Variants in B4GALT5 observed in about 807,000 individuals in gnomAD.
The protein encoded by B4GALT5 is UDP-Gal:beta-GlcNAc beta-1,4-galactosyltransferase 5.
B4GALT5 carries 11 observed loss-of-function variants against 45.0 expected under a neutral mutation model. The observed-to-expected ratio is 0.24, with a 90% CI of 0.15 to 0.40. The LOEUF is 0.40. Among genes scored for constraint, B4GALT5 ranks in the 10% least tolerant of loss-of-function variants. The pLI, the probability that B4GALT5 is intolerant of heterozygous loss-of-function variation, is 1.00. For synonymous variants in B4GALT5, 185 were observed against 182.9 expected, an observed-to-expected ratio of 1.01 and a Z score of -0.09; for missense variants, 337 against 500.2, an observed-to-expected ratio of 0.67 and a Z score of 3.11.
At chr20:49,645,266 T>TATACAGTG (rs2123001796) in intron 3 of B4GALT5, among the ~76,000 whole-genome samples, 1 of 152,194 alleles carries the variant, frequency 6.6e-6, no homozygotes, top group East Asian at 1.9e-4. Context: ...GCTGACTGCC[T>TATACAGTG]ATACAGTGAT....
At chr20:49,671,366 C>A (rs984696238) in intron 1 of B4GALT5, among the ~76,000 whole-genome samples, 1 of 152,070 alleles carries the variant, frequency 6.6e-6, no homozygotes, top group Non-Finnish European at 1.5e-5. Flanking sequence ...CAGAGTGAGA[C>A]TCTGTCTCAA....
rs756297835 is a variant in B4GALT5 at position 49,679,297 on chromosome 20, T to G, written c.116-22595A>C. On this transcript the variant is annotated intron_variant, in intron 1 of 8. Coordinates refer to ENST00000371711, the MANE Select transcript of B4GALT5 (RefSeq NM_004776.4). ...GTTGTTGTTTCGCAATCACCAGTCC[T>G]AAAATGAAGCTAAAAATTTATTTTC... Among the ~76,000 whole-genome samples, 88 of 152,230 alleles carry G rather than the reference T, an allele frequency of 5.8e-4. 1 individual carries two copies. The highest frequency in any genetic ancestry group is 2.5e-4 in the Non-Finnish European group (17 of 68,038).
In B4GALT5 at chr20:49,676,770, G is replaced by C. The variant is rs948117475; in HGVS notation, c.116-20068C>G. Among the ~76,000 whole-genome samples the C allele has an allele frequency of 2.6e-5, 4 of 152,196 alleles. No individual in the cohort carries two copies. In the East Asian group the frequency reaches 7.7e-4, roughly 29 times the overall value. ...CTCTGGCCCATAGGGGCATGAGGGC[G>C]GGGGGCACAGAATAAAACCATAAAG... On this transcript the variant is annotated intron_variant, in intron 1 of 8. Transcript: ENST00000371711.
intron 1 of B4GALT5, among the ~76,000 whole-genome samples, chr20:49,664,188 C>A (rs1018097748): frequency 6.6e-6 from 1 of 152,030 alleles, no homozygotes; most frequent in Non-Finnish European, 1.5e-5. Context: ...AATATTCTTG[C>A]TAATCTACTG....
intron 1 of B4GALT5, among the ~76,000 whole-genome samples, chr20:49,680,880 C>T (rs1054670720): frequency 6.6e-6 from 1 of 151,468 alleles, no homozygotes; most frequent in Non-Finnish European, 1.5e-5. Context: ...CTAAAATGGC[C>T]TATTTTATGT....
chr20:49,685,429 G>C (rs2085781226), intron 1 of B4GALT5, among the ~76,000 whole-genome samples: 2 of 152,116 alleles, frequency 1.3e-5, no homozygotes, highest in South Asian at 4.1e-4. Flanking sequence ...CTGTGACCCA[G>C]ACAGCCCAGC....
intron 1 of B4GALT5, 75 bp from the exon 2 acceptor site, chr20:49,656,777 G>A: frequency 6.4e-7 from 1 of 1,573,090 alleles, no homozygotes; most frequent in South Asian, 1.2e-5. Context: ...CATAGCTATG[G>A]ATTTTTTTTT....
At chr20:49,711,475 G>A (rs1413276561) in intron 1 of B4GALT5, among the ~76,000 whole-genome samples, 2 of 152,136 alleles carry the variant, frequency 1.3e-5, no homozygotes, top group African/African-American at 4.8e-5. Context: ...TATGGACTCA[G>A]ACCAGAAGTA....
intron 1 of B4GALT5, among the ~76,000 whole-genome samples, chr20:49,701,471 G>C (rs2085861747): frequency 6.6e-6 from 1 of 151,966 alleles, no homozygotes; most frequent in South Asian, 2.1e-4. Context: ...ATGTTATAAA[G>C]GATAACAGAA....
Position 49,713,515 on chromosome 20 carries a change from G to C in B4GALT5, c.115+61C>G, listed in dbSNP as rs1312214336. On this transcript the variant is annotated intron_variant, in intron 1 of 8. Coordinates refer to ENST00000371711, the MANE Select transcript of B4GALT5 (RefSeq NM_004776.4). ...CCGGGGCCCCTTAGGGAGGGGCGGG[G>C]ATTCCCCGGGTCCCTCAAGGCCAGA... 4 of 1,507,712 alleles carry C rather than the reference G, an allele frequency of 2.7e-6. No homozygotes were observed. The East Asian group carries it at 1.0e-4, about 39-fold the overall frequency. 93.4% of individuals were successfully genotyped at this position (1,507,712 alleles called of 1,614,324 possible). A position where few individuals can be genotyped will look rare whatever the true frequency, so the allele number is the denominator to read the frequency against.
chr20:49,698,244 A>G (rs2085847426), intron 1 of B4GALT5, among the ~76,000 whole-genome samples: 1 of 151,992 alleles, frequency 6.6e-6, no homozygotes, highest in South Asian at 2.1e-4. Context: ...AATTGCTTGA[A>G]CCTGGAAAGT....
At chr20:49,693,997 C>T (rs1038665416) in intron 1 of B4GALT5, among the ~76,000 whole-genome samples, 4 of 152,094 alleles carry the variant, frequency 2.6e-5, no homozygotes, top group Non-Finnish European at 2.9e-5. Flanking sequence ...ACCTCACTTT[C>T]GATAATTAGC....
intron 3 of B4GALT5, among the ~76,000 whole-genome samples, chr20:49,644,225 CCTT>C (rs1447138661): frequency 6.6e-6 from 1 of 151,830 alleles, no homozygotes; most frequent in African/African-American, 2.4e-5. Context: ...CTGTGCCCAG[CCTT>C]CTTTTTTTTT....
chr20:49,664,768 G>C (rs899892352), intron 1 of B4GALT5, among the ~76,000 whole-genome samples: 6 of 152,092 alleles, frequency 3.9e-5, no homozygotes, highest in Non-Finnish European at 8.8e-5. Flanking sequence ...GTATTTAGAG[G>C]TTTCGCATCA....
At chr20:49,694,158 A>G (rs1393872354) in intron 1 of B4GALT5, among the ~76,000 whole-genome samples, 1 of 152,202 alleles carries the variant, frequency 6.6e-6, no homozygotes, top group East Asian at 1.9e-4. Flanking sequence ...ATTTCCAGAA[A>G]GAAGTTAGAA....
intron 1 of B4GALT5, among the ~76,000 whole-genome samples, chr20:49,671,248 G>A (rs754137117): frequency 6.6e-6 from 1 of 152,098 alleles, no homozygotes; most frequent in Non-Finnish European, 1.5e-5. Context: ...GTGTGGTGGT[G>A]CATGCCTGTA....
At chr20:49,660,378 T>C (rs1259281497) in intron 1 of B4GALT5, among the ~76,000 whole-genome samples, 2 of 152,220 alleles carry the variant, frequency 1.3e-5, no homozygotes, top group African/African-American at 4.8e-5. Context: ...TGTTTAGTTA[T>C]TTAGCCTGCC....
chr20:49,710,189 G>C (rs548030162), intron 1 of B4GALT5, among the ~76,000 whole-genome samples: 1 of 152,168 alleles, frequency 6.6e-6, no homozygotes, highest in Non-Finnish European at 1.5e-5. Context: ...TGTAGCCACA[G>C]GGTATACAAA....
Position 49,665,249 on chromosome 20 carries a change from G to A in B4GALT5, c.116-8547C>T, listed in dbSNP as rs6019964. ...CCTGGGCTGTTCCTAGTGAGGCTCTGTCTCTACAAAAAAATTTAAAAATCA... is the reference window on the plus strand; with the variant it reads ...CCTGGGCTGTTCCTAGTGAGGCTCTATCTCTACAAAAAAATTTAAAAATCA... On this transcript the variant is annotated intron_variant, in intron 1 of 8. Transcript: ENST00000371711. Among the ~76,000 whole-genome samples, 640 of 151,780 alleles carry A rather than the reference G, an allele frequency of 4.2e-3. 6 individuals are homozygous for A. Among genetic ancestry groups the A allele is most frequent in the African/African-American group, 0.015 (613 of 41,402 alleles).
Sources: allele counts gnomAD v4.1 joint callset (sites outside exome capture counted in the v4.1 genomes callset), GRCh38; gene constraint gnomAD v4.1.1; transcripts MANE v1.5; gene names NCBI Gene and HGNC (gene_info 2026-07-23, HGNC 2026-07-21).